The following NRG3 variants were observed in gnomAD, a reference collection of about 807,000 sequenced individuals.
NRG3 encodes the protein neuregulin 3.
A neutral mutation model predicts 66.9 loss-of-function variants in NRG3; 31 were observed. That is an observed-to-expected ratio of 0.46 (90% confidence interval 0.35 to 0.63). The LOEUF (loss-of-function observed/expected upper bound fraction) is 0.63. Among genes scored for constraint, NRG3 ranks in the 20% least tolerant of loss-of-function variants. NRG3 has a pLI of 0.00. For synonymous variants in NRG3, 393 were observed against 359.4 expected (o/e 1.09, Z -1.06); for missense variants, 910 against 878.9 (o/e 1.04, Z -0.45).
intron 1 of NRG3, among the ~76,000 whole-genome samples, chr10:82,262,519 G>T (rs1423045345): frequency 6.6e-6 from 1 of 152,110 alleles, no homozygotes; most frequent in East Asian, 1.9e-4. Flanking sequence ...ATTTCCACCT[G>T]AACAAATGAG....
At chr10:82,827,431 A>C (rs566539844) in intron 3 of NRG3, among the ~76,000 whole-genome samples, 21 of 152,230 alleles carry the variant, frequency 1.4e-4, no homozygotes, top group Non-Finnish European at 2.6e-4. Flanking sequence ...ATGAGCAGGT[A>C]GTACTTCCTG....
At chr10:82,301,637 A>G (rs973660634) in intron 1 of NRG3, among the ~76,000 whole-genome samples, 16 of 149,050 alleles carry the variant, frequency 1.1e-4, no homozygotes, top group African/African-American at 3.9e-4. Context: ...TTTGATTTAT[A>G]CATTCAGTTT....
intron 1 of NRG3, among the ~76,000 whole-genome samples, chr10:82,058,894 T>C (rs1048911720): frequency 1.3e-5 from 2 of 152,180 alleles, no homozygotes; most frequent in Non-Finnish European, 2.9e-5. Context: ...GCGTCTGACC[T>C]GGACAATACA....
intron 1 of NRG3, among the ~76,000 whole-genome samples, chr10:82,295,018 A>C (rs1446581074): frequency 6.6e-6 from 1 of 152,204 alleles, no homozygotes; most frequent in Non-Finnish European, 1.5e-5. Context: ...GAGCCCGGAA[A>C]ATTTAAATGA....
chr10:82,084,325 A>G (rs1037565441), intron 1 of NRG3, among the ~76,000 whole-genome samples: 1 of 152,126 alleles, frequency 6.6e-6, no homozygotes, highest in African/African-American at 2.4e-5. Flanking sequence ...ACTTTTCAGT[A>G]TATTCATTAG....
At chr10:82,872,690 C>T (rs1482195357) in intron 4 of NRG3, among the ~76,000 whole-genome samples, 1 of 149,454 alleles carries the variant, frequency 6.7e-6, no homozygotes, top group African/African-American at 2.5e-5. Context: ...AGTGAGGTGA[C>T]ATAATAAGTG....
intron 2 of NRG3, among the ~76,000 whole-genome samples, chr10:82,362,423 G>C (rs1037301282): frequency 1.3e-5 from 2 of 150,396 alleles, no homozygotes; most frequent in Admixed American, 1.3e-4. Context: ...ACTCAGGTTG[G>C]AGCACAGTGG....
chr10:82,366,006 C>T (rs1722806497), intron 2 of NRG3, among the ~76,000 whole-genome samples: 3 of 152,122 alleles, frequency 2.0e-5, no homozygotes, highest in South Asian at 4.1e-4. Context: ...ATTTAAAATA[C>T]CTTCCCTGTG....
chr10:82,021,160 A>G (rs1428137496), intron 1 of NRG3, among the ~76,000 whole-genome samples: 2 of 152,076 alleles, frequency 1.3e-5, no homozygotes, highest in Non-Finnish European at 1.5e-5. Context: ...ATATTTACAC[A>G]CTGCCACCTG....
At chr10:82,693,484 C>T (rs2055110264) in intron 2 of NRG3, among the ~76,000 whole-genome samples, 1 of 152,144 alleles carries the variant, frequency 6.6e-6, no homozygotes, top group South Asian at 2.1e-4. Context: ...TGGTACACAT[C>T]GTGGCTCCAT....
At chr10:82,338,325 C>G (rs1423039180) in intron 1 of NRG3, among the ~76,000 whole-genome samples, 1 of 152,104 alleles carries the variant, frequency 6.6e-6, no homozygotes, top group Admixed American at 6.6e-5. Context: ...GCTTATTTAT[C>G]TTTTAAAATG....
intron 1 of NRG3, among the ~76,000 whole-genome samples, chr10:82,276,743 T>C (rs1387449291): frequency 6.6e-6 from 1 of 152,032 alleles, no homozygotes; most frequent in African/African-American, 2.4e-5. Flanking sequence ...TGTGGTCTTA[T>C]GTGGGACCAT....
intron 4 of NRG3, among the ~76,000 whole-genome samples, chr10:82,929,831 G>T (rs1199704567): frequency 1.3e-5 from 2 of 149,328 alleles, no homozygotes; most frequent in Non-Finnish European, 3.0e-5. Context: ...AGCCGAGATT[G>T]TGCCACTGCA....
chr10:81,984,123 C>A (rs2133496501), intron 1 of NRG3, among the ~76,000 whole-genome samples: 1 of 152,144 alleles, frequency 6.6e-6, no homozygotes, highest in Admixed American at 6.5e-5. Context: ...TTCAAAGTCC[C>A]CAGAAAGAAT....
At chr10:82,531,064 C>A (rs1211637039) in intron 2 of NRG3, among the ~76,000 whole-genome samples, 1 of 151,514 alleles carries the variant, frequency 6.6e-6, no homozygotes, top group Non-Finnish European at 1.5e-5. Flanking sequence ...GAAAAAAGAG[C>A]TGAGAATAGA....
chr10:82,315,192 G>T (rs79638936), intron 1 of NRG3, among the ~76,000 whole-genome samples: 3 of 152,106 alleles, frequency 2.0e-5, no homozygotes, highest in South Asian at 4.1e-4. Flanking sequence ...GCAGTGCAAG[G>T]TCTGTTATTA....
At chr10:82,776,790 T>C (rs1398251897) in intron 3 of NRG3, among the ~76,000 whole-genome samples, 4 of 152,114 alleles carry the variant, frequency 2.6e-5, no homozygotes, top group African/African-American at 9.7e-5. Context: ...TATCTATCTC[T>C]TTCTTAAATT....
chr10:82,828,385 G>T (rs866967748), intron 3 of NRG3, among the ~76,000 whole-genome samples: 1 of 152,228 alleles, frequency 6.6e-6, no homozygotes, highest in South Asian at 2.1e-4. Context: ...CATCTTAACT[G>T]GAGGCCCATT....
At chr10:82,672,399 C>T (rs530688221) in intron 2 of NRG3, among the ~76,000 whole-genome samples, 1 of 152,254 alleles carries the variant, frequency 6.6e-6, no homozygotes, top group South Asian at 2.1e-4. Context: ...TTTGAAAATG[C>T]ACCTGGGTGA....
Sources: gnomAD v4.1 joint callset for allele counts (sites outside exome capture counted in the v4.1 genomes callset) on GRCh38, gnomAD v4.1.1 for gene constraint, MANE v1.5 for transcripts, NCBI Gene and HGNC (gene_info 2026-07-23, HGNC 2026-07-21) for gene names.